The following PAAF1 variants were observed in gnomAD, a reference collection of about 807,000 sequenced individuals.
PAAF1 encodes the protein proteasomal ATPase-associated factor 1.
Under a neutral mutation model 52.8 loss-of-function variants are expected in PAAF1, and 46 were observed. That is an observed-to-expected ratio of 0.87 (90% CI 0.69 to 1.11). The LOEUF (loss-of-function observed/expected upper bound fraction) is 1.11, where lower values mean the gene tolerates loss of function less well. PAAF1 is among the 50% of genes most tolerant of loss of function. The probability of loss-of-function intolerance (pLI) is 0.00; values close to 1 mark genes in which losing one functional copy is unlikely to be tolerated. For synonymous variants in PAAF1, 178 were observed against 172.8 expected (o/e 1.03, Z -0.24); for missense variants, 424 against 477.4 (o/e 0.89, Z 1.04).
At chr11:73,899,915 A>G (rs1473215922) in intron 5 of PAAF1, among the ~76,000 whole-genome samples, 1 of 152,024 alleles carries the variant, frequency 6.6e-6, no homozygotes, top group Non-Finnish European at 1.5e-5. Context: ...TTTACAAAGG[A>G]TTTTAAACAG....
intron 10 of PAAF1, among the ~76,000 whole-genome samples, chr11:73,919,574 A>G (rs116967011): frequency 9.3e-4 from 142 of 152,328 alleles, no homozygotes; most frequent in East Asian, 7.1e-3. Context: ...GCATTTCCAG[A>G]GGGCCTGCTA....
chr11:73,877,036 G>C lies in PAAF1; in HGVS notation c.15G>C (p.Leu5Phe). The change falls in exon 1 of 12, where the codon TTG (leucine) becomes TTC (phenylalanine). Residue 5 changes from leucine to phenylalanine, a missense_variant. Coordinates refer to ENST00000310571, the MANE Select transcript of PAAF1 (RefSeq NM_025155.3). MAAP[L>F]RIQSDWAQAL... ...GCGGGGTCGAGATGGCGGCGCCTTT[G>C]AGGATTCAGAGCGACTGGGCGCAAG... The C allele has an allele frequency of 6.5e-7, 1 of 1,535,560 alleles. No individual in the cohort carries two copies. The highest frequency in any genetic ancestry group is 8.8e-7 in the Non-Finnish European group (1 of 1,138,612).
chr11:73,885,967 C>A (rs1185955501), intron 2 of PAAF1, among the ~76,000 whole-genome samples: 1 of 152,120 alleles, frequency 6.6e-6, no homozygotes, highest in Non-Finnish European at 1.5e-5. Flanking sequence ...TAGCACCCTG[C>A]TAGACTTAAG....
chr11:73,882,551 A>AT (rs1302663750), intron 2 of PAAF1, among the ~76,000 whole-genome samples: 2 of 151,788 alleles, frequency 1.3e-5, no homozygotes, highest in African/African-American at 4.8e-5. Flanking sequence ...GATTCAAGCG[A>AT]TTCTCCTGCC....
At chr11:73,884,635 G>A (rs995497965) in intron 2 of PAAF1, among the ~76,000 whole-genome samples, 5 of 152,184 alleles carry the variant, frequency 3.3e-5, no homozygotes, top group Non-Finnish European at 5.9e-5. Flanking sequence ...GGGATAAAAA[G>A]TGAAGTTGCT....
At chr11:73,889,157 T>TC in intron 3 of PAAF1, 1 of 1,522,784 alleles carries the variant, frequency 6.6e-7, no homozygotes, top group South Asian at 1.2e-5. Flanking sequence ...ACTTCTTTCT[T>TC]CCCTTCATAC....
At chr11:73,889,271 TTTGTTTCCTAACTGCCATGAG>T in intron 3 of PAAF1, 1 of 1,293,274 alleles carries the variant, frequency 7.7e-7, no homozygotes, top group Middle Eastern at 1.9e-4. Context: ...TGAACATTCA[TTTGTTTCCTAACTGCCATGAG>T]TCACTTTGCT....
chr11:73,904,737 A>G (rs931460753), intron 6 of PAAF1, among the ~76,000 whole-genome samples: 11 of 151,596 alleles, frequency 7.3e-5, no homozygotes, highest in South Asian at 2.1e-4. Flanking sequence ...TGATAGAGAA[A>G]CTAAATAAAT....
chr11:73,905,225 G>A (rs34217459), intron 6 of PAAF1, among the ~76,000 whole-genome samples: 8,592 of 151,856 alleles, frequency 0.057, 270 homozygotes, highest in Middle Eastern at 0.099. Context: ...TGAAATTGCT[G>A]CTTTCTTTTT....
chr11:73,883,844 G>A (rs143610173), intron 2 of PAAF1, among the ~76,000 whole-genome samples: 210 of 152,168 alleles, frequency 1.4e-3, no homozygotes, highest in African/African-American at 4.8e-3. Flanking sequence ...TCAGTACTTC[G>A]TTCCTTTTTG....
intron 11 of PAAF1, among the ~76,000 whole-genome samples, chr11:73,926,197 C>T (rs1950351802): frequency 6.6e-6 from 1 of 152,108 alleles, no homozygotes; most frequent in Admixed American, 6.5e-5. Context: ...ACCTCCGCCT[C>T]CCAGGTTCAA....
At chr11:73,897,068 C>T (rs1949404059) in intron 4 of PAAF1, among the ~76,000 whole-genome samples, 3 of 137,066 alleles carry the variant, frequency 2.2e-5, no homozygotes, top group Admixed American at 7.1e-5. Context: ...CAGAGGCGCC[C>T]CTCACCTCCC....
intron 1 of PAAF1, among the ~76,000 whole-genome samples, chr11:73,877,560 TAAATATAAGTG>T (rs1381743437): frequency 2.0e-5 from 3 of 152,144 alleles, no homozygotes; most frequent in African/African-American, 7.2e-5. Context: ...ATGTATACTC[TAAATATAAGTG>T]ATGGTTCCTG....
intron 3 of PAAF1, chr11:73,889,380 A>G (rs1248861702): frequency 1.9e-6 from 1 of 530,430 alleles, no homozygotes; most frequent in Non-Finnish European, 2.9e-6. Context: ...GAGCATAAAA[A>G]TGTTTGACTT....
At chr11:73,917,974 G>T (rs1950110706) in intron 9 of PAAF1, among the ~76,000 whole-genome samples, 1 of 152,106 alleles carries the variant, frequency 6.6e-6, no homozygotes, top group African/African-American at 2.4e-5. Context: ...TCACTTGTCT[G>T]ACAGGGCTAG....
intron 4 of PAAF1, 28 bp downstream of exon 4, chr11:73,891,229 A>G (rs779607197): frequency 7.8e-7 from 1 of 1,277,486 alleles, no homozygotes; most frequent in Non-Finnish European, 1.1e-6. Flanking sequence ...ATGAAGAGAA[A>G]ATGTAATAGC....
intron 3 of PAAF1, among the ~76,000 whole-genome samples, chr11:73,890,692 G>C (rs954831743): frequency 1.3e-5 from 2 of 152,188 alleles, no homozygotes; most frequent in African/African-American, 4.8e-5. Flanking sequence ...TAAGACCTAG[G>C]TTTGGGGGAT....
At chr11:73,900,216 A>G in intron 5 of PAAF1, 54 bp from the exon 6 acceptor site, 1 of 1,532,672 alleles carries the variant, frequency 6.5e-7, no homozygotes, top group Middle Eastern at 1.8e-4. Context: ...GAGGTAAGAG[A>G]ACATCAAGGG....
chr11:73,918,166 T>C (rs977091236), intron 9 of PAAF1, among the ~76,000 whole-genome samples: 2 of 152,116 alleles, frequency 1.3e-5, no homozygotes, highest in African/African-American at 4.8e-5. Context: ...TGAAGGGGAT[T>C]GTTTTCAGGA....
Sources: gnomAD v4.1 joint callset for allele counts (sites outside exome capture counted in the v4.1 genomes callset) on GRCh38, gnomAD v4.1.1 for gene constraint, MANE v1.5 for transcripts, NCBI Gene and HGNC (gene_info 2026-07-23, HGNC 2026-07-21) for gene names.